The following FUT8 variants were observed in gnomAD, a reference collection of about 807,000 sequenced individuals.
FUT8 encodes fucosyltransferase 8, also known as alpha-(1,6)-fucosyltransferase.
Under a neutral mutation model 71.3 loss-of-function variants are expected in FUT8, and 29 were observed. The observed-to-expected ratio is 0.41, with a 90% CI of 0.30 to 0.55. The LOEUF is 0.55. FUT8 is among the 20% of genes least tolerant of loss of function. FUT8 has a pLI of 0.34. For missense variants in FUT8, 544 were observed against 702.1 expected (o/e 0.77, Z 2.55); for synonymous variants, 254 against 239.3 (o/e 1.06, Z -0.57).
chr14:65,677,151 T>TGTGTGTGTGTGTGTGTGTGTGC, intron 7 of FUT8, among the ~76,000 whole-genome samples: 5 of 110,702 alleles, frequency 4.5e-5, no homozygotes, highest in South Asian at 6.0e-4. Context: ...TGTGTGTGTG[T>TGTGTGTGTGTGTGTGTGTGTGC]GCGCGCGCGC....
At chr14:65,397,900 C>G in the FUT8 span, among the ~76,000 whole-genome samples, 3 of 152,152 alleles carry the variant, frequency 2.0e-5, no homozygotes, top group Non-Finnish European at 4.4e-5. The surrounding 1 kb of genome is among the most constrained non-coding windows in gnomAD (Gnocchi z 4.2). Flanking sequence ...TTGTTTATAT[C>G]AATTAGCCTG....
the FUT8 span, among the ~76,000 whole-genome samples, chr14:65,385,346 T>A: frequency 1.0e-5 from 1 of 95,746 alleles, no homozygotes. Context: ...GTATGCACTA[T>A]GCTTAAAAAT....
chr14:65,638,342 G>A lies in FUT8; in HGVS notation c.597+8736G>A, dbSNP rs540376671. On this transcript the variant is annotated intron_variant, in intron 6 of 10. Coordinates refer to ENST00000673929, the MANE Select transcript of FUT8 (RefSeq NM_001371533.1). The surrounding 1 kb of genome is among the most constrained non-coding windows in gnomAD (Gnocchi z 4.5). Reference sequence around the variant, plus strand: ...ATCACAGGCGTGAGCCACTGTGTCCGGCCAGAAAGATTTTTTGGTTTGCCC... The same window carrying A: ...ATCACAGGCGTGAGCCACTGTGTCCAGCCAGAAAGATTTTTTGGTTTGCCC... Among the ~76,000 whole-genome samples, 7 of 152,204 alleles carry A rather than the reference G, an allele frequency of 4.6e-5. No homozygotes were observed. The highest frequency in any genetic ancestry group is 1.9e-4 in the East Asian group (1 of 5,182).
intron 5 of FUT8, among the ~76,000 whole-genome samples, chr14:65,626,234 A>T (rs959906937): frequency 6.6e-6 from 1 of 150,940 alleles, no homozygotes. Context: ...AAAAAAAAAA[A>T]TAGCGGCTAC....
intron 2 of FUT8, among the ~76,000 whole-genome samples, chr14:65,492,347 A>G (rs1488968681): frequency 6.6e-6 from 1 of 152,234 alleles, no homozygotes; most frequent in African/African-American, 2.4e-5. Context: ...GTGGAGGCAG[A>G]AACAGACTGT....
intron 2 of FUT8, among the ~76,000 whole-genome samples, chr14:65,520,088 C>T (rs1882980502): frequency 6.6e-6 from 1 of 152,142 alleles, no homozygotes; most frequent in Admixed American, 6.5e-5. Context: ...CTACCTTTAA[C>T]ATTTAACAAC....
intron 6 of FUT8, among the ~76,000 whole-genome samples, chr14:65,629,862 CA>C (rs1183317451): frequency 7.3e-6 from 1 of 136,796 alleles, no homozygotes; most frequent in Non-Finnish European, 1.6e-5. Context: ...ACACACAATA[CA>C]ATACAAATAT....
chr14:65,597,654 A>G (rs1218844419), intron 3 of FUT8, among the ~76,000 whole-genome samples: 1 of 151,848 alleles, frequency 6.6e-6, no homozygotes, highest in Non-Finnish European at 1.5e-5. Flanking sequence ...AAAGAAGAAG[A>G]ATGGTGCATA....
At chr14:65,690,819 G>A (rs571862238) in intron 7 of FUT8, among the ~76,000 whole-genome samples, 1 of 152,038 alleles carries the variant, frequency 6.6e-6, no homozygotes, top group South Asian at 2.1e-4. Flanking sequence ...CTGCCTCCCG[G>A]GTGCAAGCTG....
At chr14:65,464,431 G>T (rs1028782562) in intron 2 of FUT8, among the ~76,000 whole-genome samples, 2 of 152,076 alleles carry the variant, frequency 1.3e-5, no homozygotes, top group African/African-American at 2.4e-5. Context: ...TCCTTGCCTT[G>T]TTCCTGATCC....
intron 1 of FUT8, among the ~76,000 whole-genome samples, chr14:65,436,607 C>G (rs1020004950): frequency 7.1e-6 from 1 of 140,194 alleles, no homozygotes; most frequent in Non-Finnish European, 1.5e-5. Flanking sequence ...CCAGCCTGGG[C>G]GACAGAGCGA....
chr14:65,525,557 A>G (rs183678586), intron 2 of FUT8, among the ~76,000 whole-genome samples: 7 of 151,986 alleles, frequency 4.6e-5, no homozygotes, highest in Admixed American at 1.3e-4. Flanking sequence ...TTGTGTCTCT[A>G]TCTCTCAGTT....
rs528775459 is a variant in FUT8, at chr14:65,499,196, C to G, written c.-228+43478C>G. 2.6e-5 allele frequency among the ~76,000 whole-genome samples: 4 copies of G among 152,298 alleles called. No homozygotes were observed. The East Asian group carries it at 7.7e-4, about 29-fold the overall frequency. On this transcript the variant is annotated intron_variant, in intron 2 of 10. Transcript: ENST00000673929. ...TCCCAAGTTGCTGGGACTACAGACA[C>G]ACACACACACCACCATACCTGGCTG...
chr14:65,525,460 C>G (rs1883390654), intron 2 of FUT8, among the ~76,000 whole-genome samples: 1 of 152,128 alleles, frequency 6.6e-6, no homozygotes, highest in South Asian at 2.1e-4. Context: ...CTCTTTACTT[C>G]TTTATTAGTC....
At chr14:65,418,893 A>G (rs2065255160) in intron 1 of FUT8, among the ~76,000 whole-genome samples, 1 of 152,182 alleles carries the variant, frequency 6.6e-6, no homozygotes. Context: ...GCAAGAGACT[A>G]GAAGAACTTC....
intron 3 of FUT8, among the ~76,000 whole-genome samples, chr14:65,602,343 TCACACACA>T (rs1163052408): frequency 0.098 from 4,747 of 48,308 alleles, 209 homozygotes; most frequent in South Asian, 0.16. Flanking sequence ...GTTCCATCTC[TCACACACA>T]CACACACACA....
chr14:65,491,167 A>T (rs1229842207), intron 2 of FUT8, among the ~76,000 whole-genome samples: 1 of 152,176 alleles, frequency 6.6e-6, no homozygotes, highest in Non-Finnish European at 1.5e-5. Context: ...TTAAAATAAT[A>T]CATCAATGAT....
chr14:65,730,065 C>A (rs576420646), intron 9 of FUT8, among the ~76,000 whole-genome samples: 1 of 152,034 alleles, frequency 6.6e-6, no homozygotes, highest in South Asian at 2.1e-4. Flanking sequence ...CTAAGCAAAT[C>A]ATAAAAATCT....
intron 3 of FUT8, among the ~76,000 whole-genome samples, chr14:65,605,098 A>G (rs1888508439): frequency 6.6e-6 from 1 of 152,002 alleles, no homozygotes; most frequent in African/African-American, 2.4e-5. Context: ...ATTACCATAT[A>G]TGAATAACCA....
Sources: gnomAD v4.1 joint callset for allele counts (sites outside exome capture counted in the v4.1 genomes callset) on GRCh38, gnomAD v4.1.1 for gene constraint, Gnocchi (gnomAD v3.1) non-coding constraint, MANE v1.5 for transcripts, NCBI Gene and HGNC (gene_info 2026-07-23, HGNC 2026-07-21) for gene names.